CEP78: variants seen among roughly 807,000 people sequenced by gnomAD.
CEP78 encodes the protein centrosomal protein of 78 kDa.
In CEP78, 76 loss-of-function variants were observed where a neutral mutation model predicts 81.2. The ratio of observed to expected loss-of-function variants is 0.94; its 90% CI spans 0.78 to 1.13. The LOEUF (loss-of-function observed/expected upper bound fraction) is 1.13. Among genes scored for constraint, CEP78 ranks in the 50% most tolerant of loss-of-function variants. The pLI, the probability that CEP78 is intolerant of heterozygous loss-of-function variation, is 0.00. For missense variants in CEP78, 918 were observed against 846.8 expected, an observed-to-expected ratio of 1.08 and a Z score of -1.04; for synonymous variants, 293 against 301.4, an observed-to-expected ratio of 0.97 and a Z score of 0.29.
chr9:78,236,400 C>G lies in CEP78; in HGVS notation c.50C>G (p.Ser17Cys). Reference sequence around the variant, plus strand: ...CGCGACAGCGCGGCGGACTTCTTCTCCCACTACGAGTACCTGTGCGCGCTG... The same window carrying G: ...CGCGACAGCGCGGCGGACTTCTTCTGCCACTACGAGTACCTGTGCGCGCTG... ...LRRDSAADFF[S>C]HYEYLCALQN... The change falls in exon 1 of 17, where the codon TCC (serine) becomes TGC (cysteine). Residue 17 changes from serine (S) to cysteine (C), a missense_variant. Physicochemically the swap from Ser to Cys is moderately radical, Grantham distance 112. Coordinates refer to ENST00000643273, the MANE Select transcript of CEP78 (RefSeq NM_001330691.3). 1 of 1,596,418 alleles carries G rather than the reference C, an allele frequency of 6.3e-7. No homozygotes were observed. The highest frequency in any genetic ancestry group is 1.3e-5 in the African/African-American group (1 of 74,728).
rs537540520 is a variant in CEP78, at chr9:78,261,753, G to A, written c.1381-1154G>A. On this transcript the variant is annotated intron_variant, in intron 11 of 16. Coordinates refer to ENST00000643273, the MANE Select transcript of CEP78 (RefSeq NM_001330691.3). The stretch of plus-strand genomic sequence containing the variant: ...TTTGGTTAGAAGTTCTTTGATAACA[G>A]TTCTAAATATTAAAACCATTATATA... 2.6e-3 allele frequency among the ~76,000 whole-genome samples: 391 copies of A among 152,216 alleles called. 2 individuals carry two copies. The highest frequency in any genetic ancestry group is 8.8e-3 in the African/African-American group (364 of 41,536).
chr9:78,244,245 C>T (rs1029009665), intron 5 of CEP78, among the ~76,000 whole-genome samples: 3 of 150,850 alleles, frequency 2.0e-5, no homozygotes, highest in South Asian at 2.1e-4. Context: ...CTCAAGTATC[C>T]TCCCACTATA....
chr9:78,248,242 C>T (rs775748441), intron 6 of CEP78, 49 bp from the exon 7 acceptor site: 3 of 940,050 alleles, frequency 3.2e-6, no homozygotes, highest in African/African-American at 3.3e-5. Context: ...TGGGAATAGC[C>T]ACTCATTGGG....
chr9:78,243,492 T>C lies in CEP78; in HGVS notation c.634T>C (p.Trp212Arg). 6.2e-7 allele frequency: 1 copy of C among 1,613,494 alleles called. No homozygotes were observed. Among genetic ancestry groups the C allele is most frequent in the Non-Finnish European group, 8.5e-7 (1 of 1,179,702 alleles). ...YQTMRRHEET[W>R]AESLRYRRPD... ...GACCATGAGAAGGCATGAAGAAACC[T>C]GGGCTGAGAGTCTTCGCTATAGGAG... Residue 212 changes from tryptophan (W) to arginine (R), a missense_variant, in exon 5 of 17, where the codon TGG becomes CGG. Transcript: ENST00000643273.
chr9:78,254,846 T>C lies in CEP78; in HGVS notation c.1262T>C (p.Phe421Ser). ...TCCTCTTTTTTTAAGCAACCAGGTT[T>C]TCCTGTGACTGTGACAGTAGAGAGT... ...DICNQLQQPG[F>S]PVTVTVESPS... is the part of the protein sequence containing the mutation. The change falls in exon 11 of 17, where the codon TTT becomes TCT. Residue 421 changes from phenylalanine to serine, a missense_variant. By Grantham distance (155) the Phe-to-Ser change is radical (BLOSUM62 -2). Transcript: ENST00000643273. 3 of 1,608,516 alleles carry C rather than the reference T, an allele frequency of 1.9e-6. No individual in the cohort carries two copies. Among genetic ancestry groups the C allele is most frequent in the Non-Finnish European group, 2.5e-6 (3 of 1,177,198 alleles).
chr9:78,271,117 G>C lies in CEP78; in HGVS notation c.*266G>C, dbSNP rs1827679841. 1 of 354,352 alleles carries C rather than the reference G, an allele frequency of 2.8e-6. No homozygotes were observed. Among genetic ancestry groups the C allele is most frequent in the South Asian group, 5.5e-5 (1 of 18,096 alleles). The allele number at this position is 354,352 out of a possible 1,614,324, so 22.0% of individuals were successfully genotyped here. ...GGGAATTATCCAAAATGGCTCCGAA[G>C]AGGAACTGAAGTTAAGCTGCCCACA... On this transcript the variant is annotated 3_prime_UTR_variant, in exon 17 of 17. Coordinates refer to ENST00000643273, the MANE Select transcript of CEP78 (RefSeq NM_001330691.3).
At chr9:78,252,935 A>G (rs1826834541) in intron 9 of CEP78, among the ~76,000 whole-genome samples, 1 of 152,206 alleles carries the variant, frequency 6.6e-6, no homozygotes, top group Non-Finnish European at 1.5e-5. Context: ...CTTGGTCACA[A>G]GGAGTTGTGA....
In CEP78 at chr9:78,276,603, G is replaced by A. The variant is rs1311933988; in HGVS notation, c.*5752G>A. ...AGGCTGTGCACAACACCAACACACCGGTATGAAAAGTGTGTACACCAGCAA... is the reference window on the plus strand; with the variant it reads ...AGGCTGTGCACAACACCAACACACCAGTATGAAAAGTGTGTACACCAGCAA... On this transcript the variant is annotated 3_prime_UTR_variant, in exon 17 of 17. Coordinates refer to ENST00000643273, the MANE Select transcript of CEP78 (RefSeq NM_001330691.3). 2.7e-5 allele frequency: 4 copies of A among 150,044 alleles called. No homozygotes were observed. The East Asian group carries it at 5.8e-4, about 22-fold the overall frequency. The allele number at this position is 150,044 out of a possible 1,614,324, so 9.3% of individuals were successfully genotyped here. A position where few individuals can be genotyped will look rare whatever the true frequency, so the allele number is the denominator to read the frequency against.
At chr9:78,262,574 A>G (rs1455908413) in intron 11 of CEP78, among the ~76,000 whole-genome samples, 1 of 152,104 alleles carries the variant, frequency 6.6e-6, no homozygotes, top group African/African-American at 2.4e-5. Context: ...AGGGCTTCCT[A>G]TTATAAGGGA....
chr9:78,239,652 G>A (rs1328000315), intron 1 of CEP78, among the ~76,000 whole-genome samples: 1 of 152,108 alleles, frequency 6.6e-6, no homozygotes, highest in Non-Finnish European at 1.5e-5. Context: ...TTCCGGCTAC[G>A]GCTCTGGGCT....
intron 11 of CEP78, among the ~76,000 whole-genome samples, chr9:78,262,456 A>G (rs1306297382): frequency 6.6e-6 from 1 of 152,084 alleles, no homozygotes; most frequent in Non-Finnish European, 1.5e-5. Flanking sequence ...CATCATGTCT[A>G]ATTCCTTTTG....
intron 11 of CEP78, among the ~76,000 whole-genome samples, chr9:78,261,017 C>G (rs1365214222): frequency 6.6e-6 from 1 of 152,066 alleles, no homozygotes; most frequent in East Asian, 1.9e-4. Context: ...GTGGCGCAAT[C>G]TCAGCTCACT....
intron 11 of CEP78, among the ~76,000 whole-genome samples, chr9:78,258,274 C>T (rs1249024802): frequency 6.6e-6 from 1 of 152,096 alleles, no homozygotes; most frequent in East Asian, 1.9e-4. Context: ...AAGCTTTCTG[C>T]CTGTTCTCTT....
At position 78,236,076 on chromosome 9, in the gene CEP78, G is replaced by C; in HGVS notation, c.-275G>C. Reference sequence around the variant, plus strand: ...CACCGTTCCACGGCACCGCCCACCGGCTTGAATCCCGGCGCCTCAGAGGAC... The same window carrying C: ...CACCGTTCCACGGCACCGCCCACCGCCTTGAATCCCGGCGCCTCAGAGGAC... On this transcript the variant is annotated 5_prime_UTR_variant, in exon 1 of 17. Transcript: ENST00000643273. The C allele has an allele frequency of 2.1e-6, 1 of 477,610 alleles. No homozygotes were observed. Among genetic ancestry groups the C allele is most frequent in the South Asian group, 2.6e-5 (1 of 37,922 alleles). The allele number at this position is 477,610 out of a possible 1,614,324, so 29.6% of individuals were successfully genotyped here. A position where few individuals can be genotyped will look rare whatever the true frequency, so the allele number is the denominator to read the frequency against.
rs961751176 is a variant in CEP78 at position 78,274,463 on chromosome 9, A to G, written c.*3612A>G. On this transcript the variant is annotated 3_prime_UTR_variant, in exon 17 of 17. Transcript: ENST00000643273. ...AAAATTTATAGAACTGCATACTCTC[A>G]AAAAAATTAGTTTTACTCTATAATA... is the stretch of plus-strand genomic sequence containing the variant. 3 of 152,082 alleles carry G rather than the reference A, an allele frequency of 2.0e-5. No homozygotes were observed. The highest frequency in any genetic ancestry group is 7.3e-5 in the African/African-American group (3 of 41,352). The allele number at this position is 152,082 out of a possible 1,614,324, so 9.4% of individuals were successfully genotyped here. A position where few individuals can be genotyped will look rare whatever the true frequency, so the allele number is the denominator to read the frequency against.
chr9:78,272,826 C>T lies in CEP78; in HGVS notation c.*1975C>T, dbSNP rs990175367. Reference sequence around the variant, plus strand: ...GCTGGTGGAACGTCACTATTTGGAACATTGCTGGTTGCAGTGTCCAAGGAA... The same window carrying T: ...GCTGGTGGAACGTCACTATTTGGAATATTGCTGGTTGCAGTGTCCAAGGAA... On this transcript the variant is annotated 3_prime_UTR_variant, in exon 17 of 17. Transcript: ENST00000643273. 2 of 152,220 alleles carry T rather than the reference C, an allele frequency of 1.3e-5. No individual in the cohort carries two copies. The highest frequency in any genetic ancestry group is 2.4e-5 in the African/African-American group (1 of 41,458). 9.4% of individuals were successfully genotyped at this position (152,220 alleles called of 1,614,324 possible).
At position 78,248,680 on chromosome 9, in the gene CEP78, G is replaced by A. The variant is rs1051951693; in HGVS notation, c.958-82G>A. 7.2e-5 allele frequency: 54 copies of A among 748,156 alleles called. 1 individual carries two copies. In the African/African-American group the frequency reaches 9.1e-4, roughly 13 times the overall value. The allele number at this position is 748,156 out of a possible 1,614,324, so 46.3% of individuals were successfully genotyped here. ...ATTGCAAACCTTTTATTAACATAGA[G>A]TATCTTAACAATTTCCATTTAAGAT... On this transcript the variant is annotated intron_variant, in intron 7 of 16. Coordinates refer to ENST00000643273, the MANE Select transcript of CEP78 (RefSeq NM_001330691.3).
At chr9:78,268,333 A>C (rs1827613362) in intron 16 of CEP78, among the ~76,000 whole-genome samples, 1 of 152,188 alleles carries the variant, frequency 6.6e-6, no homozygotes, top group African/African-American at 2.4e-5. Context: ...CAAGTAGTTG[A>C]GAGTTACCGA....
At chr9:78,264,423 AATT>A in intron 13 of CEP78, 107 bp downstream of exon 13, 1 of 760,118 alleles carries the variant, frequency 1.3e-6, no homozygotes, top group Non-Finnish European at 2.1e-6. Flanking sequence ...TTTACTGTGT[AATT>A]ATAAGTAATA....
Sources: allele counts gnomAD v4.1 joint callset (sites outside exome capture counted in the v4.1 genomes callset), GRCh38; gene constraint gnomAD v4.1.1; transcripts MANE v1.5; gene names NCBI Gene and HGNC (gene_info 2026-07-23, HGNC 2026-07-21).